EPHB1: variants seen among roughly 807,000 people sequenced by gnomAD.
EPHB1 encodes the protein ephrin type-B receptor 1.
Under a neutral mutation model 94.4 loss-of-function variants are expected in EPHB1, and 30 were observed. That is an observed-to-expected ratio of 0.32 (90% CI 0.24 to 0.43). EPHB1 has a LOEUF of 0.43. EPHB1 is among the 20% of genes least tolerant of loss of function. EPHB1 has a pLI of 1.00. For synonymous variants in EPHB1, 522 were observed against 489.1 expected (o/e 1.07, Z -0.89); for missense variants, 1,055 against 1,308.3 (o/e 0.81, Z 2.99).
chr3:135,257,301 T>G lies in EPHB1; in HGVS notation c.2847-1711T>G, dbSNP rs1330706969. ...GGAGGAGGAGAGGCGCTCTGCTTTT[T>G]AAAGTTTCCACCTTTTCTGTTCTGT... On this transcript the variant is annotated intron_variant, in intron 15 of 15. Coordinates refer to ENST00000398015, the MANE Select transcript of EPHB1 (RefSeq NM_004441.5). Among the ~76,000 whole-genome samples the G allele has an allele frequency of 2.6e-5, 4 of 152,236 alleles. No individual in the cohort carries two copies. The East Asian group carries it at 7.7e-4, about 29-fold the overall frequency.
At chr3:134,912,481 C>T (rs985671612) in intron 1 of EPHB1, among the ~76,000 whole-genome samples, 4 of 152,224 alleles carry the variant, frequency 2.6e-5, no homozygotes, top group African/African-American at 7.2e-5. Context: ...GATTTAAAGG[C>T]TGTTTCTGGA....
chr3:134,951,259 G>A lies in EPHB1; in HGVS notation c.124-112G>A. On this transcript the variant is annotated intron_variant, in intron 2 of 15. Transcript: ENST00000398015. The surrounding 1 kb of genome is among the most constrained non-coding windows in gnomAD (Gnocchi z 4.5). ...TCTCAAGTCAATCTGCTGGACTGGT[G>A]AGCTCTTAAGGCCCCTTAGCCCCAG... The A allele has an allele frequency of 1.2e-6, 1 of 863,462 alleles. No individual in the cohort carries two copies. The allele number at this position is 863,462 out of a possible 1,614,324, so 53.5% of individuals were successfully genotyped here.
chr3:135,129,299 C>T (rs1157953905), intron 4 of EPHB1, among the ~76,000 whole-genome samples: 1 of 152,084 alleles, frequency 6.6e-6, no homozygotes, highest in Non-Finnish European at 1.5e-5. Context: ...GTGGGTCTTC[C>T]CAGCTGTCAG....
At chr3:135,132,590 G>A (rs1940458508) in intron 4 of EPHB1, 124 bp from the exon 5 acceptor site, 7 of 775,258 alleles carry the variant, frequency 9.0e-6, no homozygotes, top group African/African-American at 1.8e-5. Flanking sequence ...GCCATTTGGG[G>A]TTGAGGAAGG....
chr3:135,142,978 G>GA (rs1940879924), intron 5 of EPHB1, among the ~76,000 whole-genome samples: 2 of 152,140 alleles, frequency 1.3e-5, no homozygotes, highest in South Asian at 4.1e-4. Context: ...GAGCAAGGAT[G>GA]ACACACCCCA....
At chr3:135,112,206 G>T (rs897722975) in intron 4 of EPHB1, among the ~76,000 whole-genome samples, 1 of 152,182 alleles carries the variant, frequency 6.6e-6, no homozygotes, top group African/African-American at 2.4e-5. Flanking sequence ...CAGTGTAAAT[G>T]GGTGATGGGC....
intron 5 of EPHB1, among the ~76,000 whole-genome samples, chr3:135,153,007 C>G (rs1360729847): frequency 1.3e-5 from 2 of 152,152 alleles, no homozygotes; most frequent in African/African-American, 4.8e-5. Flanking sequence ...CTAGCAGCAT[C>G]TTCAGAACAA....
intron 1 of EPHB1, among the ~76,000 whole-genome samples, chr3:134,873,326 C>G (rs1044295598): frequency 1.3e-5 from 2 of 152,176 alleles, no homozygotes; most frequent in Non-Finnish European, 2.9e-5. Context: ...GTAATTTAGA[C>G]TGGGCTTAGA....
rs781750969 is a variant in EPHB1, at chr3:135,162,137, C to T, written c.1542C>T (p.Tyr514=). The T allele has an allele frequency of 2.2e-5, 36 of 1,610,744 alleles. 1 individual carries two copies. The highest frequency in any genetic ancestry group is 5.5e-5 in the South Asian group (5 of 90,634). The change falls in exon 7 of 16, where the codon TAC becomes TAT. Residue 514 remains tyrosine (Y), a synonymous_variant. Transcript: ENST00000398015. ...TGCGTGCCCGCACTGTTGCTGGCTACGGCAAGTTCAGTGGCAAGATGTGCT... is the reference window on the plus strand; with the variant it reads ...TGCGTGCCCGCACTGTTGCTGGCTATGGCAAGTTCAGTGGCAAGATGTGCT... ...VQVRARTVAG[Y]GKFSGKMCFQ...
chr3:134,834,643 C>A (rs2036638973), intron 1 of EPHB1, among the ~76,000 whole-genome samples: 1 of 152,162 alleles, frequency 6.6e-6, no homozygotes, highest in Admixed American at 6.5e-5. Context: ...TCTTAGATGA[C>A]CCTATGATCC....
At chr3:135,083,652 A>G (rs1049246764) in intron 3 of EPHB1, among the ~76,000 whole-genome samples, 2 of 152,060 alleles carry the variant, frequency 1.3e-5, no homozygotes, top group African/African-American at 4.8e-5. Context: ...ACCTTCTCCC[A>G]GGCTGAGGAG....
rs116482929 is a variant in EPHB1 at position 135,013,425 on chromosome 3, G to A, written c.805+61373G>A. Among the ~76,000 whole-genome samples the A allele has an allele frequency of 5.5e-3, 838 of 152,292 alleles. 9 individuals are homozygous for A. The highest frequency in any genetic ancestry group is 0.019 in the African/African-American group (805 of 41,558). ...CAGATTGCAGACACTGGGAGGTAGC[G>A]GCCTGACCTGCTATATCACCACCGC... On this transcript the variant is annotated intron_variant, in intron 3 of 15. Coordinates refer to ENST00000398015, the MANE Select transcript of EPHB1 (RefSeq NM_004441.5).
intron 12 of EPHB1, among the ~76,000 whole-genome samples, chr3:135,217,424 C>CA (rs1943172837): frequency 7.0e-6 from 1 of 143,400 alleles, no homozygotes; most frequent in Non-Finnish European, 1.5e-5. Context: ...CCCATCAGTA[C>CA]CACACACACA....
chr3:134,995,596 A>T (rs570959742), intron 3 of EPHB1, among the ~76,000 whole-genome samples: 1 of 152,348 alleles, frequency 6.6e-6, no homozygotes, highest in South Asian at 2.1e-4. Context: ...GACCACAATG[A>T]TATATCACTA....
At chr3:134,807,200 G>A (rs1175840787) in intron 1 of EPHB1, among the ~76,000 whole-genome samples, 1 of 152,168 alleles carries the variant, frequency 6.6e-6, no homozygotes, top group Non-Finnish European at 1.5e-5. Context: ...CGAACTGCCA[G>A]CACTGCCTAG....
chr3:135,014,951 TGGTCACAGCC>T, intron 3 of EPHB1, among the ~76,000 whole-genome samples: 1 of 152,238 alleles, frequency 6.6e-6, no homozygotes, highest in Admixed American at 6.5e-5. Context: ...AAAGAATTTC[TGGTCACAGCC>T]AATCACAGAT....
chr3:135,028,975 T>C (rs1324147748), intron 3 of EPHB1, among the ~76,000 whole-genome samples: 8 of 134,958 alleles, frequency 5.9e-5, no homozygotes, highest in African/African-American at 1.9e-4. Context: ...TTTACCATTA[T>C]GTAATGGCCT....
chr3:134,936,218 G>C (rs550025613), intron 2 of EPHB1, among the ~76,000 whole-genome samples: 2 of 152,270 alleles, frequency 1.3e-5, no homozygotes, highest in South Asian at 2.1e-4. Context: ...AAACCAGTGA[G>C]TTGTGCACGT....
chr3:134,802,631 G>T (rs549050816), intron 1 of EPHB1, among the ~76,000 whole-genome samples: 60 of 152,338 alleles, frequency 3.9e-4, no homozygotes, highest in African/African-American at 1.3e-3. Flanking sequence ...GCCCAGGCTT[G>T]TGCAGGTGGT....
Sources: allele counts gnomAD v4.1 joint callset (sites outside exome capture counted in the v4.1 genomes callset), GRCh38; gene constraint gnomAD v4.1.1; non-coding constraint Gnocchi (gnomAD v3.1); transcripts MANE v1.5; gene names NCBI Gene and HGNC (gene_info 2026-07-23, HGNC 2026-07-21).